Variants in NENF observed in about 807,000 individuals in gnomAD.
NENF encodes neudesin.
In NENF, 6 loss-of-function variants were observed where a neutral mutation model predicts 14.8. The ratio of observed to expected loss-of-function variants is 0.40; its 90% CI spans 0.22 to 0.80. The LOEUF is 0.80. Ranked by LOEUF, NENF falls within the 30% of genes least tolerant of loss-of-function variation. The pLI is 0.34. For synonymous variants in NENF, 76 were observed against 95.1 expected (o/e 0.80, Z 1.17); for missense variants, 184 against 212.7 (o/e 0.87, Z 0.84).
At chr1:212,435,192 C>T (rs1210759939) in intron 1 of NENF, among the ~76,000 whole-genome samples, 1 of 152,200 alleles carries the variant, frequency 6.6e-6, no homozygotes, top group Non-Finnish European at 1.5e-5. Flanking sequence ...CTAAACCTCT[C>T]TGAGTCTCCA....
intron 1 of NENF, among the ~76,000 whole-genome samples, chr1:212,440,072 T>C (rs1662677163): frequency 6.6e-6 from 1 of 151,776 alleles, no homozygotes. Context: ...GCCAACATGG[T>C]GAAACCCTGT....
rs1662777553 is a variant in NENF, at chr1:212,446,256, G to A, written c.*250G>A. The stretch of plus-strand genomic sequence containing the variant: ...CACCTCCTAGATGTCAGTATCAGCT[G>A]GCTGGGCAGTGGAATTTTGAGCGAC... On this transcript the variant is annotated 3_prime_UTR_variant, in exon 4 of 4. Coordinates refer to ENST00000366988, the MANE Select transcript of NENF (RefSeq NM_013349.5). 2.2e-6 allele frequency: 1 copy of A among 444,518 alleles called. No individual in the cohort carries two copies. Among genetic ancestry groups the A allele is most frequent in the African/African-American group, 2.0e-5 (1 of 50,762 alleles). 27.5% of individuals were successfully genotyped at this position (444,518 alleles called of 1,614,324 possible).
intron 1 of NENF, among the ~76,000 whole-genome samples, chr1:212,437,779 A>G (rs1245825458): frequency 6.6e-6 from 1 of 152,240 alleles, no homozygotes; most frequent in Non-Finnish European, 1.5e-5. Context: ...GTAGGGCCTC[A>G]GAGTGATCCA....
chr1:212,436,631 G>C (rs1662605811), intron 1 of NENF, among the ~76,000 whole-genome samples: 2 of 152,172 alleles, frequency 1.3e-5, no homozygotes, highest in Admixed American at 1.3e-4. Context: ...TCGATTATGA[G>C]ATTAGGCCCA....
At chr1:212,436,460 C>G (rs1662603538) in intron 1 of NENF, among the ~76,000 whole-genome samples, 1 of 152,090 alleles carries the variant, frequency 6.6e-6, no homozygotes, top group Non-Finnish European at 1.5e-5. Flanking sequence ...CAGGCGCCCA[C>G]CACCATGCCC....
chr1:212,434,327 G>A (rs1403574353), intron 1 of NENF, among the ~76,000 whole-genome samples: 1 of 152,138 alleles, frequency 6.6e-6, no homozygotes, highest in African/African-American at 2.4e-5. Context: ...TACTTGCAAG[G>A]GTGGGACTTG....
chr1:212,438,203 C>A (rs550639071), intron 1 of NENF, among the ~76,000 whole-genome samples: 1 of 152,304 alleles, frequency 6.6e-6, no homozygotes, highest in Admixed American at 6.5e-5. Flanking sequence ...CGCTTGTTTT[C>A]TTCAACTCCT....
intron 1 of NENF, chr1:212,435,006 A>G (rs960269193): frequency 2.6e-5 from 4 of 152,422 alleles, no homozygotes; most frequent in Admixed American, 2.0e-4. Flanking sequence ...AGTTGAGTGC[A>G]GTGGGTTCAA....
intron 3 of NENF, among the ~76,000 whole-genome samples, chr1:212,445,027 G>T (rs1029189214): frequency 2.0e-5 from 3 of 152,170 alleles, no homozygotes; most frequent in Admixed American, 2.0e-4. Flanking sequence ...GGCAAAGGCA[G>T]GTGGATCACC....
rs150141411 is a variant in NENF at position 212,444,413 on chromosome 1, T to C, written c.313T>C (p.Leu105=). 1.1e-4 allele frequency: 176 copies of C among 1,610,232 alleles called. No individual in the cohort carries two copies. In the African/African-American group the frequency reaches 2.0e-3, roughly 18 times the overall value. ...DSTRGVAKMS[L]DPADLTHDTT... is the part of the protein sequence containing the mutation. ...CACTAGAGGGGTAGCCAAGATGTCC[T>C]TGGATCCTGCAGACCTCACCCATGA... is the stretch of plus-strand genomic sequence containing the variant. Residue 105 remains leucine (L), a synonymous_variant, in exon 3 of 4, where the codon TTG becomes CTG. Coordinates refer to ENST00000366988, the MANE Select transcript of NENF (RefSeq NM_013349.5).
At chr1:212,443,469 G>T (rs1483360212) in intron 2 of NENF, among the ~76,000 whole-genome samples, 1 of 151,840 alleles carries the variant, frequency 6.6e-6, no homozygotes, top group Non-Finnish European at 1.5e-5. Context: ...GCAGTGATGC[G>T]ACCTTCTCCA....
At chr1:212,445,070 C>G (rs1211692039) in intron 3 of NENF, among the ~76,000 whole-genome samples, 1 of 152,094 alleles carries the variant, frequency 6.6e-6, no homozygotes, top group African/African-American at 2.4e-5. Flanking sequence ...GCCAGGCCAG[C>G]ATGGAGAAAC....
At chr1:212,444,273 G>A (rs947391735) in intron 2 of NENF, 66 bp from the exon 3 acceptor site, 25 of 1,108,582 alleles carry the variant, frequency 2.3e-5, no homozygotes, top group East Asian at 2.7e-5. Flanking sequence ...GCGCCCCCAC[G>A]TGCAAGCTCC....
intron 1 of NENF, among the ~76,000 whole-genome samples, chr1:212,442,192 A>C (rs1662709772): frequency 6.6e-6 from 1 of 152,172 alleles, no homozygotes; most frequent in African/African-American, 2.4e-5. Context: ...TTGTATTTTT[A>C]GTAGAGATAG....
intron 2 of NENF, 31 bp from the exon 3 acceptor site, chr1:212,444,308 G>T: frequency 6.7e-7 from 1 of 1,491,352 alleles, no homozygotes; most frequent in South Asian, 1.2e-5. Context: ...GTAAACCCAC[G>T]CTTACGTCTC....
intron 1 of NENF, among the ~76,000 whole-genome samples, chr1:212,434,387 C>A (rs1662572023): frequency 6.6e-6 from 1 of 152,224 alleles, no homozygotes; most frequent in African/African-American, 2.4e-5. Context: ...GGTGGACTCA[C>A]TTGCCTAGGC....
At position 212,432,960 on chromosome 1, in the gene NENF, C is replaced by G; in HGVS notation, c.17C>G (p.Pro6Arg). 4 of 976,420 alleles carry G rather than the reference C, an allele frequency of 4.1e-6. No homozygotes were observed. Among genetic ancestry groups the G allele is most frequent in the Non-Finnish European group, 5.0e-6 (4 of 793,790 alleles). 60.5% of individuals were successfully genotyped at this position (976,420 alleles called of 1,614,324 possible). A position where few individuals can be genotyped will look rare whatever the true frequency, so the allele number is the denominator to read the frequency against. MVGPA[P>R]RRRLRPLAAL... ...GCGCTCACCATGGTGGGCCCCGCGC[C>G]GCGGCGGCGGCTGCGGCCGCTGGCA... Residue 6 changes from proline to arginine, a missense_variant, in exon 1 of 4, where the codon CCG becomes CGG. Transcript: ENST00000366988.
intron 1 of NENF, among the ~76,000 whole-genome samples, chr1:212,438,531 T>C (rs993693844): frequency 1.3e-5 from 2 of 152,156 alleles, no homozygotes; most frequent in African/African-American, 4.8e-5. Context: ...TTTATTTTAG[T>C]TTAGTTTTTG....
intron 1 of NENF, among the ~76,000 whole-genome samples, chr1:212,440,605 T>C (rs1456310233): frequency 2.6e-5 from 4 of 152,172 alleles, no homozygotes; most frequent in Non-Finnish European, 5.9e-5. Flanking sequence ...GCTGAGCTCC[T>C]GTGTCGTGCC....
Sources: gnomAD v4.1 joint callset for allele counts (sites outside exome capture counted in the v4.1 genomes callset) on GRCh38, gnomAD v4.1.1 for gene constraint, MANE v1.5 for transcripts, NCBI Gene and HGNC (gene_info 2026-07-23, HGNC 2026-07-21) for gene names.